LACRT: variants seen among roughly 807,000 people sequenced by gnomAD.
The protein encoded by LACRT is extracellular glycoprotein lacritin.
LACRT carries 14 observed loss-of-function variants against 14.5 expected under a neutral mutation model. The observed-to-expected ratio is 0.96, with a 90% confidence interval of 0.64 to 1.51. The LOEUF is 1.51. Ranked by LOEUF, LACRT falls within the 40% of genes most tolerant of loss-of-function variation. The pLI is 0.00. For synonymous variants in LACRT, 70 were observed against 63.5 expected, an observed-to-expected ratio of 1.10 and a Z score of -0.48; for missense variants, 156 against 161.8, an observed-to-expected ratio of 0.96 and a Z score of 0.19.
chr12:54,632,529 A>T, intron 2 of LACRT, 148 bp from the exon 3 acceptor site: 1 of 922,176 alleles, frequency 1.1e-6, no homozygotes, highest in Non-Finnish European at 1.7e-6. Flanking sequence ...TAAGGGAGAT[A>T]GCATTTCTGC....
chr12:54,634,844 T>C lies in LACRT; in HGVS notation c.-3A>G. On this transcript the variant is annotated 5_prime_UTR_variant, in exon 1 of 5. Transcript: ENST00000257867. ...AAGAGGAGAGTGGTAAATTTCATTC[T>C]TTGGGATGAGGAGTGAGTATAACCA... is the stretch of plus-strand genomic sequence containing the variant. The C allele has an allele frequency of 6.2e-7, 1 of 1,612,608 alleles. No homozygotes were observed. The highest frequency in any genetic ancestry group is 8.5e-7 in the Non-Finnish European group (1 of 1,178,660).
Position 54,634,851 on chromosome 12 carries a change from TGAG to T in LACRT, c.-13_-11del. 6.2e-7 allele frequency: 1 copy of T among 1,609,560 alleles called. No homozygotes were observed. The highest frequency in any genetic ancestry group is 8.5e-7 in the Non-Finnish European group (1 of 1,175,992). ...GAGTGGTAAATTTCATTCTTTGGGA[TGAG>T]GAGTGAGTATAACCACAGAATCTGC... On this transcript the variant is annotated 5_prime_UTR_variant, in exon 1 of 5. Coordinates refer to ENST00000257867, the MANE Select transcript of LACRT (RefSeq NM_033277.2).
At chr12:54,633,849 C>T (rs528606837) in intron 1 of LACRT, among the ~76,000 whole-genome samples, 36 of 152,180 alleles carry the variant, frequency 2.4e-4, no homozygotes, top group Non-Finnish European at 8.8e-5. Context: ...TGATTTGTTC[C>T]GCATGTGCAT....
chr12:54,632,477 G>A, intron 2 of LACRT, 96 bp from the exon 3 acceptor site: 1 of 1,424,094 alleles, frequency 7.0e-7, no homozygotes, highest in South Asian at 1.3e-5. Context: ...TGTGTGCTGG[G>A]TGCCAGGATA....
Position 54,632,374 on chromosome 12 carries a change from A to G in LACRT, c.120T>C (p.Pro40=). 6.2e-7 allele frequency: 1 copy of G among 1,614,060 alleles called. No individual in the cohort carries two copies. Among genetic ancestry groups the G allele is most frequent in the Non-Finnish European group, 8.5e-7 (1 of 1,180,000 alleles). The change falls in exon 3 of 5, where the codon CCT becomes CCC. Residue 40 remains proline, a synonymous_variant. Coordinates refer to ENST00000257867, the MANE Select transcript of LACRT (RefSeq NM_033277.2). The stretch of plus-strand genomic sequence containing the variant: ...CTGCTGGACCTGAGATCTCTTCATT[A>G]GGCTTAGCTGTGAATGCACAAATTG... The part of the protein sequence containing the change: ...DPAQEAGTSK[P]NEEISGPAEP...
Position 54,632,372 on chromosome 12 carries a change from T to G in LACRT, c.122A>C (p.Asn41Thr). Residue 41 changes from asparagine to threonine, a missense_variant, in exon 3 of 5, where the codon AAT becomes ACT. Asn to Thr is a moderately conservative substitution (Grantham distance 65, BLOSUM62 0). Coordinates refer to ENST00000257867, the MANE Select transcript of LACRT (RefSeq NM_033277.2). The stretch of plus-strand genomic sequence containing the variant: ...TTCTGCTGGACCTGAGATCTCTTCA[T>G]TAGGCTTAGCTGTGAATGCACAAAT... ...PAQEAGTSKPNEEISGPAEPA... is the reference protein window; with the variant it reads ...PAQEAGTSKPTEEISGPAEPA... 6.2e-7 allele frequency: 1 copy of G among 1,614,058 alleles called. No homozygotes were observed. Among genetic ancestry groups the G allele is most frequent in the Non-Finnish European group, 8.5e-7 (1 of 1,179,980 alleles).
At position 54,634,710 on chromosome 12, in the gene LACRT, G is replaced by A. The variant is rs1392510109; in HGVS notation, c.58+74C>T. The A allele has an allele frequency of 6.9e-6, 9 of 1,309,340 alleles. 1 individual carries two copies. The South Asian group carries it at 8.2e-5, about 12-fold the overall frequency. The allele number at this position is 1,309,340 out of a possible 1,614,324, so 81.1% of individuals were successfully genotyped here. ...GAATAGCACTGAGAGAGGAGGAGAGGGGTGAAGGCAGGAGTGAGGGGCTCC... is the reference window on the plus strand; with the variant it reads ...GAATAGCACTGAGAGAGGAGGAGAGAGGTGAAGGCAGGAGTGAGGGGCTCC... On this transcript the variant is annotated intron_variant, in intron 1 of 4. Coordinates refer to ENST00000257867, the MANE Select transcript of LACRT (RefSeq NM_033277.2).
Position 54,631,785 on chromosome 12 carries a change from C to T in LACRT, c.308G>A (p.Gly103Glu), listed in dbSNP as rs555114677. ...LLTEQALAKA[G>E]KGMHGGVPGG... Reference sequence around the variant, plus strand: ...TGGCACGCCTCCGTGCATTCCTTTTCCTGCTTTTGCAAGGGCTTGTTCTGT... The same window carrying T: ...TGGCACGCCTCCGTGCATTCCTTTTTCTGCTTTTGCAAGGGCTTGTTCTGT... Residue 103 changes from glycine (G) to glutamate (E), a missense_variant, in exon 4 of 5, where the codon GGA becomes GAA. Physicochemically the swap from Gly to Glu is moderately conservative, Grantham distance 98. Transcript: ENST00000257867. 6.2e-6 allele frequency: 10 copies of T among 1,614,114 alleles called. No homozygotes were observed. Among genetic ancestry groups the T allele is most frequent in the South Asian group, 1.1e-5 (1 of 91,076 alleles).
chr12:54,633,333 TC>T, intron 1 of LACRT, 100 bp from the exon 2 acceptor site: 1 of 1,051,444 alleles, frequency 9.5e-7, no homozygotes, highest in South Asian at 1.4e-5. Context: ...CTGGGAATGC[TC>T]ATGGATAGAA....
chr12:54,632,107 T>G, intron 3 of LACRT, 134 bp downstream of exon 3: 3 of 984,204 alleles, frequency 3.0e-6, no homozygotes, highest in Non-Finnish European at 4.6e-6. Context: ...CACAATCCCA[T>G]TTGTGCCTTT....
chr12:54,632,485 A>G, intron 2 of LACRT, 104 bp from the exon 3 acceptor site: 1 of 1,350,396 alleles, frequency 7.4e-7, no homozygotes, highest in South Asian at 1.3e-5. Context: ...GGGTGCCAGG[A>G]TACAGAAGTG....
rs1024878822 is a variant in LACRT at position 54,634,877 on chromosome 12, T to C, written c.-36A>G. Reference sequence around the variant, plus strand: ...GAGGAGTGAGTATAACCACAGAATCTGCAGAAGGTCTGGGGAATAAGGATG... The same window carrying C: ...GAGGAGTGAGTATAACCACAGAATCCGCAGAAGGTCTGGGGAATAAGGATG... On this transcript the variant is annotated 5_prime_UTR_variant, in exon 1 of 5. Transcript: ENST00000257867. 2.8e-5 allele frequency: 44 copies of C among 1,553,970 alleles called. No homozygotes were observed. Among genetic ancestry groups the C allele is most frequent in the Non-Finnish European group, 3.6e-5 (41 of 1,125,526 alleles).
intron 4 of LACRT, among the ~76,000 whole-genome samples, chr12:54,631,243 C>A (rs928167229): frequency 2.6e-5 from 4 of 152,132 alleles, no homozygotes; most frequent in Non-Finnish European, 5.9e-5. Context: ...CACATTGAAT[C>A]TGTTCTTTTT....
chr12:54,631,073 C>T lies in LACRT; in HGVS notation c.356-120G>A, dbSNP rs770292886. The T allele has an allele frequency of 8.8e-6, 6 of 682,894 alleles. No individual in the cohort carries two copies. In the African/African-American group the frequency reaches 9.0e-5, roughly 10 times the overall value. 42.3% of individuals were successfully genotyped at this position (682,894 alleles called of 1,614,324 possible). A position where few individuals can be genotyped will look rare whatever the true frequency, so the allele number is the denominator to read the frequency against. On this transcript the variant is annotated intron_variant, in intron 4 of 4. Coordinates refer to ENST00000257867, the MANE Select transcript of LACRT (RefSeq NM_033277.2). ...CTTACTGAGACTCTGGAGAGGCTTA[C>T]ACAGAAGTTGGAGGGATTGAGATTA...
chr12:54,632,041 G>A (rs1160155732), intron 3 of LACRT, 200 bp downstream of exon 3: 1 of 684,802 alleles, frequency 1.5e-6, no homozygotes, highest in Non-Finnish European at 2.5e-6. Context: ...CAGAAACCAT[G>A]TATTGTGCAG....
chr12:54,631,694 G>A, intron 4 of LACRT, 44 bp downstream of exon 4: 1 of 1,401,828 alleles, frequency 7.1e-7, no homozygotes, highest in Non-Finnish European at 1.0e-6. Flanking sequence ...GGTGGGTGGT[G>A]AGTATTCTCA....
chr12:54,632,714 C>G (rs552376979), intron 2 of LACRT, among the ~76,000 whole-genome samples: 17 of 151,796 alleles, frequency 1.1e-4, no homozygotes, highest in Admixed American at 8.5e-4. Context: ...AGAGGTCAGG[C>G]GAAGGCATGT....
intron 1 of LACRT, among the ~76,000 whole-genome samples, chr12:54,634,351 C>CAA (rs10561513): frequency 2.1e-4 from 20 of 94,964 alleles, no homozygotes; most frequent in East Asian, 5.0e-4. Context: ...GACTCGGTCT[C>CAA]AAAAAAAAAA....
At position 54,632,321 on chromosome 12, in the gene LACRT, G is replaced by T. The variant is rs761167985; in HGVS notation, c.173C>A (p.Thr58Lys). Reference protein sequence around the residue: ...AEPASPPETTTTAQETSAAAV... With the variant: ...AEPASPPETTKTAQETSAAAV... Reference sequence around the variant, plus strand: ...TGCCGCCGAAGTCTCCTGGGCTGTTGTGGTTGTCTCTGGGGGTGAAGCTGG... The same window carrying T: ...TGCCGCCGAAGTCTCCTGGGCTGTTTTGGTTGTCTCTGGGGGTGAAGCTGG... Residue 58 changes from threonine (T) to lysine (K), a missense_variant, in exon 3 of 5, where the codon ACA (threonine) becomes AAA (lysine). By Grantham distance (78) the Thr-to-Lys change is moderately conservative. Transcript: ENST00000257867. 6.2e-7 allele frequency: 1 copy of T among 1,614,162 alleles called. No homozygotes were observed. The highest frequency in any genetic ancestry group is 8.5e-7 in the Non-Finnish European group (1 of 1,180,026).
Sources: allele counts gnomAD v4.1 joint callset (sites outside exome capture counted in the v4.1 genomes callset), GRCh38; gene constraint gnomAD v4.1.1; transcripts MANE v1.5; gene names NCBI Gene and HGNC (gene_info 2026-07-23, HGNC 2026-07-21).